Variants in PCDH15 observed in about 807,000 individuals in gnomAD.
PCDH15 encodes the protein protocadherin related 15.
In PCDH15, 129 loss-of-function variants were observed where a neutral mutation model predicts 178.5. That is an observed-to-expected ratio of 0.72 (90% CI 0.63 to 0.84). PCDH15 has a LOEUF of 0.84. Ranked by LOEUF, PCDH15 falls within the 40% of genes least tolerant of loss-of-function variation. The probability of loss-of-function intolerance (pLI) is 0.00; values close to 1 mark genes in which losing one functional copy is unlikely to be tolerated. For missense variants in PCDH15, 2,230 were observed against 2,099.9 expected, an observed-to-expected ratio of 1.06 and a Z score of -1.21; for synonymous variants, 800 against 732.0, an observed-to-expected ratio of 1.09 and a Z score of -1.50.
intron 2 of PCDH15, among the ~76,000 whole-genome samples, chr10:55,334,242 A>ATATATATGTG (rs1291195941): frequency 1.8e-4 from 13 of 72,140 alleles, no homozygotes; most frequent in African/African-American, 5.7e-4. Flanking sequence ...ATATATATAT[A>ATATATATGTG]TGTGTGTGTG....
At chr10:55,274,434 T>C (rs1842531163) in intron 1 of PCDH15, among the ~76,000 whole-genome samples, 1 of 152,070 alleles carries the variant, frequency 6.6e-6, no homozygotes, top group Admixed American at 6.5e-5. Flanking sequence ...CCCTGATTTG[T>C]CTACATATCT....
chr10:54,233,715 T>C (rs1591328936), intron 9 of PCDH15, among the ~76,000 whole-genome samples: 1 of 152,244 alleles, frequency 6.6e-6, no homozygotes, highest in South Asian at 2.1e-4. Context: ...TAGTCAGAGA[T>C]GAGAGCTTAG....
chr10:54,884,025 T>C (rs1954308174), intron 3 of PCDH15, among the ~76,000 whole-genome samples: 1 of 152,078 alleles, frequency 6.6e-6, no homozygotes, highest in Non-Finnish European at 1.5e-5. Context: ...GGGAATTTAG[T>C]TAACTCATTA....
Position 55,528,468 on chromosome 10 carries a change from C to T in PCDH15, c.-156+99157G>A, listed in dbSNP as rs143613318. On this transcript the variant is annotated intron_variant, in intron 2 of 5. Transcript: ENST00000613346. ...TTCAATTCCCACCTATAAGTGAGAA[C>T]ATGCGGTGTTTGGTTTTTTGCCCTT... Among the ~76,000 whole-genome samples, 781 of 152,078 alleles carry T rather than the reference C, an allele frequency of 5.1e-3. 7 individuals carry two copies. The highest frequency in any genetic ancestry group is 0.018 in the African/African-American group (754 of 41,478).
intron 1 of PCDH15, among the ~76,000 whole-genome samples, chr10:54,708,750 C>G (rs1282381173): frequency 6.6e-6 from 1 of 151,686 alleles, no homozygotes; most frequent in Non-Finnish European, 1.5e-5. Context: ...TTAAGGCTGT[C>G]AGAATCACCC....
intron 2 of PCDH15, among the ~76,000 whole-genome samples, chr10:55,577,387 A>G (rs958472130): frequency 8.5e-5 from 13 of 152,206 alleles, no homozygotes; most frequent in African/African-American, 2.9e-4. Flanking sequence ...TGCAGTTGTT[A>G]TATAACTAAT....
intron 2 of PCDH15, among the ~76,000 whole-genome samples, chr10:55,616,591 C>A (rs1916526): frequency 1 from 152,050 of 152,086 alleles, 76,007 homozygotes; most frequent in Middle Eastern, 1. Flanking sequence ...TGTCCCTAAC[C>A]AACCCACCTA....
chr10:54,457,385 T>C (rs1382747017), intron 3 of PCDH15, among the ~76,000 whole-genome samples: 3 of 152,148 alleles, frequency 2.0e-5, no homozygotes, highest in Non-Finnish European at 4.4e-5. Flanking sequence ...TTTAACAATG[T>C]CCTATTCTTT....
chr10:54,242,181 T>TACACACAC (rs1564770015), intron 8 of PCDH15, among the ~76,000 whole-genome samples: 10 of 82,872 alleles, frequency 1.2e-4, no homozygotes, highest in African/African-American at 5.6e-4. Context: ...TATATATATA[T>TACACACAC]ATATATACAC....
At chr10:54,234,270 T>C (rs1298232892) in intron 9 of PCDH15, among the ~76,000 whole-genome samples, 1 of 152,052 alleles carries the variant, frequency 6.6e-6, no homozygotes, top group Non-Finnish European at 1.5e-5. Context: ...CTAATAACAA[T>C]GTCAACTAAA....
At chr10:55,055,406 G>A (rs957404935) in intron 2 of PCDH15, among the ~76,000 whole-genome samples, 18 of 152,134 alleles carry the variant, frequency 1.2e-4, no homozygotes, top group African/African-American at 3.9e-4. Context: ...GCTTACATGA[G>A]TGCCTTTTGC....
intron 3 of PCDH15, among the ~76,000 whole-genome samples, chr10:54,845,875 A>G (rs766292466): frequency 3.9e-5 from 6 of 152,114 alleles, no homozygotes; most frequent in Admixed American, 2.6e-4. Flanking sequence ...CCTAAATACT[A>G]GATTGTCACC....
chr10:54,416,700 T>C (rs565779488), intron 3 of PCDH15, among the ~76,000 whole-genome samples: 19 of 152,308 alleles, frequency 1.2e-4, no homozygotes, highest in Admixed American at 7.8e-4. Context: ...TGAATCACCA[T>C]ACTGTCTTCC....
intron 1 of PCDH15, among the ~76,000 whole-genome samples, chr10:54,668,666 G>T (rs1460178346): frequency 2.6e-5 from 4 of 152,122 alleles, no homozygotes; most frequent in African/African-American, 9.7e-5. Flanking sequence ...GGCAAAAGCA[G>T]CCAAGGTTGA....
rs1954608229 is a variant in PCDH15, at chr10:54,899,540, A to C, written c.-79-2040T>G. On this transcript the variant is annotated intron_variant, in intron 2 of 5. Transcript: ENST00000458638. ...GAGACGGAGTCTCACCCTGTGGCCC[A>C]GGCTGGAGTGCAAAGGTGCGATCTT... Among the ~76,000 whole-genome samples, 4 of 124,754 alleles carry C rather than the reference A, an allele frequency of 3.2e-5. No homozygotes were observed. The Admixed American group carries it at 4.2e-4, about 13-fold the overall frequency. 81.8% of individuals were successfully genotyped at this position (124,754 alleles called of 152,430 possible).
At chr10:55,273,996 A>G (rs944900701) in intron 1 of PCDH15, among the ~76,000 whole-genome samples, 1 of 152,112 alleles carries the variant, frequency 6.6e-6, no homozygotes, top group African/African-American at 2.4e-5. Context: ...GTACACATGT[A>G]TGTATGTATG....
chr10:54,629,953 A>G (rs2093657649), intron 2 of PCDH15, among the ~76,000 whole-genome samples: 2 of 152,272 alleles, frequency 1.3e-5, no homozygotes, highest in Admixed American at 1.3e-4. Context: ...AATAATGTTC[A>G]AGTTGGGAGC....
At chr10:54,496,670 A>G (rs528893661) in intron 3 of PCDH15, among the ~76,000 whole-genome samples, 3 of 152,296 alleles carry the variant, frequency 2.0e-5, no homozygotes, top group East Asian at 1.9e-4. Context: ...CAACATTTAT[A>G]CTAAGCTCAA....
intron 8 of PCDH15, among the ~76,000 whole-genome samples, chr10:54,307,975 A>G (rs143873130): frequency 6.6e-6 from 1 of 152,208 alleles, no homozygotes; most frequent in African/African-American, 2.4e-5. Context: ...CTAGTTAAGC[A>G]TGCTTCATAA....
Sources: allele counts gnomAD v4.1 joint callset (sites outside exome capture counted in the v4.1 genomes callset), GRCh38; gene constraint gnomAD v4.1.1; transcripts MANE v1.5; gene names NCBI Gene and HGNC (gene_info 2026-07-23, HGNC 2026-07-21).